FLYWCH1: variants seen among roughly 807,000 people sequenced by gnomAD.
FLYWCH1 encodes the protein FLYWCH-type zinc finger-containing protein 1.
FLYWCH1 carries 75 observed loss-of-function variants against 66.4 expected under a neutral mutation model. The ratio of observed to expected loss-of-function variants is 1.13; its 90% confidence interval spans 0.94 to 1.37. The LOEUF is 1.37. Ranked by LOEUF, FLYWCH1 falls within the 40% of genes most tolerant of loss-of-function variation. The pLI is 0.00. For synonymous variants in FLYWCH1, 595 were observed against 429.9 expected (o/e 1.38, Z -4.75); for missense variants, 1,334 against 1,001.8 (o/e 1.33, Z -4.48).
chr16:2,938,455 A>G lies in FLYWCH1; in HGVS notation c.2049A>G (p.Pro683=), dbSNP rs750012092. Residue 683 remains proline, a splice_region_variant and synonymous_variant, in exon 8 of 10, where the codon CCA becomes CCG. Transcript: ENST00000253928. ...CCACCACGGCCCAGCAGGAGGACCC[A>G]GGTACAGGCAGGCTGTGGGGCAGAG... is the stretch of plus-strand genomic sequence containing the variant. The part of the protein sequence containing the change: ...RLPTTAQQED[P]EKIQVQLCFK... 1.3e-6 allele frequency: 2 copies of G among 1,519,772 alleles called. No individual in the cohort carries two copies. Among genetic ancestry groups the G allele is most frequent in the Non-Finnish European group, 1.8e-6 (2 of 1,135,656 alleles). The allele number at this position is 1,519,772 out of a possible 1,614,324, so 94.1% of individuals were successfully genotyped here.
chr16:2,933,047 T>G, intron 4 of FLYWCH1, 83 bp from the exon 5 acceptor site: 1 of 1,228,960 alleles, frequency 8.1e-7, no homozygotes, highest in Non-Finnish European at 1.1e-6. Flanking sequence ...AAGGCTCGTG[T>G]CAGCCCCCAC....
intron 2 of FLYWCH1, among the ~76,000 whole-genome samples, chr16:2,925,583 G>GGGGC: frequency 7.0e-6 from 1 of 142,236 alleles, no homozygotes; most frequent in South Asian, 2.4e-4. Context: ...GCGGGGGGAG[G>GGGGC]GGGGTACGGG....
intron 1 of FLYWCH1, among the ~76,000 whole-genome samples, chr16:2,913,940 G>A (rs1567315414): frequency 6.6e-6 from 1 of 152,102 alleles, no homozygotes; most frequent in Admixed American, 6.6e-5. Flanking sequence ...GAACTCCTGG[G>A]CTCAAACAAT....
In FLYWCH1 at chr16:2,914,955, A is replaced by G. The variant is rs570769102; in HGVS notation, c.-74+666A>G. Among the ~76,000 whole-genome samples, 7 of 151,192 alleles carry G rather than the reference A, an allele frequency of 4.6e-5. No individual in the cohort carries two copies. The South Asian group carries it at 1.0e-3, about 22-fold the overall frequency. On this transcript the variant is annotated intron_variant, in intron 2 of 9. Coordinates refer to ENST00000253928, the MANE Select transcript of FLYWCH1 (RefSeq NM_001308068.2). ...AATTTGTACTGAATGAAGATTGAAC[A>G]TTACAAAAGAAACACATTAGGGCCC...
chr16:2,949,691 G>C lies in FLYWCH1; in HGVS notation c.*964G>C, dbSNP rs2071620221. The stretch of plus-strand genomic sequence containing the variant: ...AATTGTGGGGGGAGTGCCAGCAACA[G>C]GCCTGTCCCCTGGCAAGTTGGCCAC... On this transcript the variant is annotated 3_prime_UTR_variant, in exon 10 of 10. Coordinates refer to ENST00000253928, the MANE Select transcript of FLYWCH1 (RefSeq NM_001308068.2). 1 of 151,968 alleles carries C rather than the reference G, an allele frequency of 6.6e-6. No homozygotes were observed. The highest frequency in any genetic ancestry group is 1.5e-5 in the Non-Finnish European group (1 of 67,988). The allele number at this position is 151,968 out of a possible 1,614,324, so 9.4% of individuals were successfully genotyped here.
chr16:2,941,446 G>C (rs533462161), intron 9 of FLYWCH1, among the ~76,000 whole-genome samples: 3 of 152,212 alleles, frequency 2.0e-5, no homozygotes, highest in East Asian at 3.9e-4. Context: ...GTGAGACCTC[G>C]TCTCTGCCAA....
rs745368196 is a variant in FLYWCH1, at chr16:2,933,819, C to T, written c.1353C>T (p.Thr451=). The change falls in exon 6 of 10, where the codon ACC becomes ACT. Residue 451 remains threonine, a synonymous_variant. Transcript: ENST00000253928. ...EKAAGEKVYW[T]CRDQARMGCR... Reference sequence around the variant, plus strand: ...CGGCTGGGGAGAAGGTGTATTGGACCTGCCGGGACCAGGCCCGCATGGGCT... The same window carrying T: ...CGGCTGGGGAGAAGGTGTATTGGACTTGCCGGGACCAGGCCCGCATGGGCT... 9 of 1,608,768 alleles carry T rather than the reference C, an allele frequency of 5.6e-6. No homozygotes were observed. The highest frequency in any genetic ancestry group is 3.4e-5 in the Admixed American group (2 of 59,218).
chr16:2,916,562 A>G (rs1219820906), intron 2 of FLYWCH1, among the ~76,000 whole-genome samples: 1 of 152,042 alleles, frequency 6.6e-6, no homozygotes, highest in Non-Finnish European at 1.5e-5. Context: ...GCGTGAACCC[A>G]GGAGACAGAG....
intron 9 of FLYWCH1, among the ~76,000 whole-genome samples, chr16:2,944,535 G>T (rs182112547): frequency 6.6e-6 from 1 of 151,824 alleles, no homozygotes; most frequent in African/African-American, 2.4e-5. Flanking sequence ...AAAGTCAACT[G>T]TAGGCCAGCC....
At chr16:2,916,882 C>T (rs1362562222) in intron 2 of FLYWCH1, among the ~76,000 whole-genome samples, 4 of 151,528 alleles carry the variant, frequency 2.6e-5, no homozygotes, top group African/African-American at 9.7e-5. Flanking sequence ...TGGTGGCTCA[C>T]TCCTGTAATC....
At chr16:2,913,968 C>G (rs1035974522) in intron 1 of FLYWCH1, among the ~76,000 whole-genome samples, 1 of 152,092 alleles carries the variant, frequency 6.6e-6, no homozygotes, top group Non-Finnish European at 1.5e-5. Flanking sequence ...CCTGAGCCTC[C>G]CAAACTGCTG....
chr16:2,941,041 G>T (rs1474503641), intron 9 of FLYWCH1, among the ~76,000 whole-genome samples: 2 of 152,202 alleles, frequency 1.3e-5, no homozygotes. Context: ...AGAGGTTGCA[G>T]TGAGCCAAGA....
chr16:2,933,068 G>A (rs2070827848), intron 4 of FLYWCH1, 62 bp from the exon 5 acceptor site: 3 of 1,440,056 alleles, frequency 2.1e-6, no homozygotes, highest in Non-Finnish European at 2.9e-6. Flanking sequence ...AGTCTGCAGG[G>A]GCTGTCCCTC....
At chr16:2,946,822 G>A (rs2071505893) in intron 9 of FLYWCH1, among the ~76,000 whole-genome samples, 1 of 152,092 alleles carries the variant, frequency 6.6e-6, no homozygotes, top group Admixed American at 6.6e-5. Flanking sequence ...ACACCCACTG[G>A]GATGGCTATT....
rs750245508 is a variant in FLYWCH1 at position 2,938,374 on chromosome 16, C to A, written c.1968C>A (p.His656Gln). The A allele has an allele frequency of 6.3e-7, 1 of 1,583,166 alleles. No homozygotes were observed. Among genetic ancestry groups the A allele is most frequent in the South Asian group, 1.2e-5 (1 of 86,480 alleles). Residue 656 changes from histidine to glutamine, a missense_variant, in exon 8 of 10, where the codon CAC becomes CAA. By Grantham distance (24) the His-to-Gln change is conservative. Coordinates refer to ENST00000253928, the MANE Select transcript of FLYWCH1 (RefSeq NM_001308068.2). ...ACCGCATCATGGTCATGCGCAGCCA[C>A]TGCCATCAGCCTGACCTGGCAGGCC... ...QGHRIMVMRS[H>Q]CHQPDLAGLE...
At chr16:2,946,865 A>G (rs1487622367) in intron 9 of FLYWCH1, among the ~76,000 whole-genome samples, 2 of 152,188 alleles carry the variant, frequency 1.3e-5, no homozygotes, top group Non-Finnish European at 2.9e-5. Flanking sequence ...TGGTGACGAC[A>G]TGGAGAAACT....
At chr16:2,916,529 C>T (rs1359646339) in intron 2 of FLYWCH1, among the ~76,000 whole-genome samples, 2 of 151,892 alleles carry the variant, frequency 1.3e-5, no homozygotes, top group African/African-American at 4.8e-5. Flanking sequence ...CTCAGCTACT[C>T]TGGAGGCTGA....
chr16:2,943,578 A>C (rs2071359135), intron 9 of FLYWCH1: 1 of 151,860 alleles, frequency 6.6e-6, no homozygotes, highest in South Asian at 2.1e-4. Context: ...TTTCATGATA[A>C]AAACATTCAA....
Position 2,917,230 on chromosome 16 carries a change from A to AT in FLYWCH1, c.-74+2957dup, listed in dbSNP as rs112053820. ...ATAATACAAAGTAAGCTTGTTAATA[A>AT]TTTTTTTTTTTTTTTTGAGATGGAG... is the stretch of plus-strand genomic sequence containing the variant. On this transcript the variant is annotated intron_variant, in intron 2 of 9. Coordinates refer to ENST00000253928, the MANE Select transcript of FLYWCH1 (RefSeq NM_001308068.2). Among the ~76,000 whole-genome samples, 82 of 131,726 alleles carry AT rather than the reference A, an allele frequency of 6.2e-4. No homozygotes were observed. In the South Asian group the frequency reaches 0.011, roughly 18 times the overall value. The allele number at this position is 131,726 out of a possible 152,430, so 86.4% of individuals were successfully genotyped here.
Sources: gnomAD v4.1 joint callset for allele counts (sites outside exome capture counted in the v4.1 genomes callset) on GRCh38, gnomAD v4.1.1 for gene constraint, MANE v1.5 for transcripts, NCBI Gene and HGNC (gene_info 2026-07-23, HGNC 2026-07-21) for gene names.